NETO1: variants seen among roughly 807,000 people sequenced by gnomAD.
The protein encoded by NETO1 is neuropilin and tolloid-like protein 1.
Under a neutral mutation model 61.3 loss-of-function variants are expected in NETO1, and 26 were observed. The observed-to-expected ratio is 0.42, with a 90% CI of 0.31 to 0.59. The LOEUF (loss-of-function observed/expected upper bound fraction) is 0.59, where lower values mean the gene tolerates loss of function less well. NETO1 is among the 20% of genes least tolerant of loss of function. The pLI is 0.12. For synonymous variants in NETO1, 225 were observed against 225.8 expected, an observed-to-expected ratio of 1.00 and a Z score of 0.03; for missense variants, 531 against 662.8, an observed-to-expected ratio of 0.80 and a Z score of 2.18.
At chr18:72,789,866 T>A (rs73966662) in intron 6 of NETO1, among the ~76,000 whole-genome samples, 2,102 of 152,292 alleles carry the variant, frequency 0.014, 49 homozygotes, top group African/African-American at 0.048. Context: ...CTGGATAGTC[T>A]ACCTTTTGAT....
chr18:72,848,571 A>C (rs1330605671), intron 4 of NETO1, among the ~76,000 whole-genome samples: 1 of 152,208 alleles, frequency 6.6e-6, no homozygotes, highest in Non-Finnish European at 1.5e-5. Flanking sequence ...AAAGTAGAAG[A>C]ATTTAAAAAA....
rs1341296691 is a variant in NETO1, at chr18:72,841,733, C to CA, written c.469+17092dup. On this transcript the variant is annotated intron_variant, in intron 4 of 10. Transcript: ENST00000327305. ...TGGGAGACAGAGTGAGACTCTACCTCAACAAAAAAAAAAAAAAAAAAAAAG... is the reference window on the plus strand; with the variant it reads ...TGGGAGACAGAGTGAGACTCTACCTCAAACAAAAAAAAAAAAAAAAAAAAAG... Among the ~76,000 whole-genome samples, 580 of 70,974 alleles carry CA rather than the reference C, an allele frequency of 8.2e-3. 128 individuals are homozygous for CA. Among genetic ancestry groups the CA allele is most frequent in the African/African-American group, 0.024 (462 of 18,900 alleles). 46.6% of individuals were successfully genotyped at this position (70,974 alleles called of 152,430 possible). A position where few individuals can be genotyped will look rare whatever the true frequency, so the allele number is the denominator to read the frequency against.
In NETO1 at chr18:72,867,781, GCGGCGGCGGCGC is replaced by G. The variant is rs1192591265; in HGVS notation, c.-502_-491del. ...ACCGACGGCAGCGACGGAGCGGGCG[GCGGCGGCGGCGC>G]CGGCGGCGGCGGGGTGGCTCAGTCC... On this transcript the variant is annotated 5_prime_UTR_variant, in exon 1 of 11. Coordinates refer to ENST00000327305, the MANE Select transcript of NETO1 (RefSeq NM_138966.5). 4 of 158,116 alleles carry G rather than the reference GCGGCGGCGGCGC, an allele frequency of 2.5e-5. No individual in the cohort carries two copies. Among genetic ancestry groups the G allele is most frequent in the Middle Eastern group, 3.0e-3 (1 of 336 alleles). The allele number at this position is 158,116 out of a possible 1,614,324, so 9.8% of individuals were successfully genotyped here.
At chr18:72,778,719 G>C (rs983308191) in intron 7 of NETO1, among the ~76,000 whole-genome samples, 1 of 152,054 alleles carries the variant, frequency 6.6e-6, no homozygotes, top group African/African-American at 2.4e-5. Flanking sequence ...GAATAACTTA[G>C]GAATTATCTA....
Position 72,746,258 on chromosome 18 carries a change from A to G in NETO1, c.*1921T>C, listed in dbSNP as rs1568164786. 6.6e-6 allele frequency among the ~76,000 whole-genome samples: 1 copy of G among 152,164 alleles called. No homozygotes were observed. The highest frequency in any genetic ancestry group is 1.5e-5 in the Non-Finnish European group (1 of 68,012). On this transcript the variant is annotated 3_prime_UTR_variant, in exon 11 of 11. Transcript: ENST00000327305. ...GAGTCCTCTGAAGATTTCTAAATGG[A>G]GAAAGCAATATAAGATATGATTAAT...
intron 4 of NETO1, among the ~76,000 whole-genome samples, chr18:72,855,094 A>G (rs1264481442): frequency 6.6e-6 from 1 of 152,192 alleles, no homozygotes; most frequent in Non-Finnish European, 1.5e-5. Flanking sequence ...TCTATTTTTT[A>G]TTAAATTGTT....
intron 8 of NETO1, among the ~76,000 whole-genome samples, chr18:72,753,221 A>G (rs2070680532): frequency 6.6e-6 from 1 of 151,948 alleles, no homozygotes; most frequent in African/African-American, 2.4e-5. Flanking sequence ...TATGATATTG[A>G]AAACATTAAA....
chr18:72,804,956 TA>T (rs1401064008), intron 4 of NETO1, among the ~76,000 whole-genome samples: 2 of 152,230 alleles, frequency 1.3e-5, no homozygotes, highest in Non-Finnish European at 2.9e-5. Context: ...TTTCCTAAGT[TA>T]CCTAACAATC....
intron 4 of NETO1, among the ~76,000 whole-genome samples, chr18:72,816,407 T>C (rs2073034475): frequency 6.6e-6 from 1 of 152,188 alleles, no homozygotes; most frequent in South Asian, 2.1e-4. Flanking sequence ...CACCAGCGTT[T>C]ATCTAAAGGG....
In NETO1 at chr18:72,748,038, A is replaced by G. The variant is rs1282068456; in HGVS notation, c.*141T>C. 1.4e-6 allele frequency: 1 copy of G among 696,600 alleles called. No individual in the cohort carries two copies. The highest frequency in any genetic ancestry group is 1.8e-6 in the Non-Finnish European group (1 of 566,062). The allele number at this position is 696,600 out of a possible 1,614,324, so 43.2% of individuals were successfully genotyped here. ...AGCGGGGATGTCTTGCCGAAGGAAT[A>G]ACAAATGTCTGTAATTCTTAAGTTT... On this transcript the variant is annotated 3_prime_UTR_variant, in exon 11 of 11. Transcript: ENST00000327305.
chr18:72,756,149 T>TA lies in NETO1; in HGVS notation c.869-3dup, dbSNP rs749963341. The TA allele has an allele frequency of 8.4e-4, 1,256 of 1,500,544 alleles. 2 individuals carry two copies. Among genetic ancestry groups the TA allele is most frequent in the Non-Finnish European group, 1.1e-3 (1,174 of 1,079,456 alleles). The allele number at this position is 1,500,544 out of a possible 1,614,324, so 93.0% of individuals were successfully genotyped here. A position where few individuals can be genotyped will look rare whatever the true frequency, so the allele number is the denominator to read the frequency against. Reference sequence around the variant, plus strand: ...AGAATGTGTTGCCTTCACAAGGAGCTAAAAAGAAGAAGAACAAGACAAAGG... The same window carrying TA: ...AGAATGTGTTGCCTTCACAAGGAGCTAAAAAAGAAGAAGAACAAGACAAAGG... On this transcript the variant is annotated splice_polypyrimidine_tract_variant and splice_region_variant and intron_variant, in intron 7 of 10. Coordinates refer to ENST00000327305, the MANE Select transcript of NETO1 (RefSeq NM_138966.5).
At chr18:72,861,693 T>G (rs1205021125) in intron 3 of NETO1, among the ~76,000 whole-genome samples, 1 of 152,214 alleles carries the variant, frequency 6.6e-6, no homozygotes, top group Non-Finnish European at 1.5e-5. Context: ...ACCTCGCTTG[T>G]ATTCTTCATC....
At chr18:72,808,601 T>G (rs1251264420) in intron 4 of NETO1, among the ~76,000 whole-genome samples, 1 of 152,208 alleles carries the variant, frequency 6.6e-6, no homozygotes, top group African/African-American at 2.4e-5. Flanking sequence ...TCAAAATTAT[T>G]TAAAGATGTA....
intron 4 of NETO1, among the ~76,000 whole-genome samples, chr18:72,797,691 GA>G (rs1462150740): frequency 6.6e-6 from 1 of 152,156 alleles, no homozygotes; most frequent in East Asian, 1.9e-4. Flanking sequence ...ACTGCCCTTA[GA>G]GTAAGACCAT....
At chr18:72,803,658 C>CTAAAAAT (rs1461993535) in intron 4 of NETO1, among the ~76,000 whole-genome samples, 1 of 151,992 alleles carries the variant, frequency 6.6e-6, no homozygotes, top group Non-Finnish European at 1.5e-5. Context: ...CTCATCTTTA[C>CTAAAAAT]TAAAAATACA....
chr18:72,745,023 A>T lies in NETO1; in HGVS notation c.*3156T>A, dbSNP rs992980508. ...TACTTAACACTGAGGATCATAACTT[A>T]TGGAGTCATCAGACTCACGGAAATA... is the stretch of plus-strand genomic sequence containing the variant. On this transcript the variant is annotated 3_prime_UTR_variant, in exon 11 of 11. Transcript: ENST00000327305. 6.6e-6 allele frequency: 1 copy of T among 152,224 alleles called. No homozygotes were observed. Among genetic ancestry groups the T allele is most frequent in the Non-Finnish European group, 1.5e-5 (1 of 68,030 alleles). 9.4% of individuals were successfully genotyped at this position (152,224 alleles called of 1,614,324 possible). A position where few individuals can be genotyped will look rare whatever the true frequency, so the allele number is the denominator to read the frequency against.
Position 72,744,114 on chromosome 18 carries a change from A to G in NETO1, c.*4065T>C, listed in dbSNP as rs1459615060. ...GGAACTAGAGGCATTTTAAGAGAGC[A>G]TTTACCTCTTTAATAATACACAAGA... On this transcript the variant is annotated 3_prime_UTR_variant, in exon 11 of 11. Transcript: ENST00000327305. 6.6e-6 allele frequency: 1 copy of G among 152,198 alleles called. No homozygotes were observed. The highest frequency in any genetic ancestry group is 1.9e-4 in the East Asian group (1 of 5,204). The allele number at this position is 152,198 out of a possible 1,614,324, so 9.4% of individuals were successfully genotyped here. A position where few individuals can be genotyped will look rare whatever the true frequency, so the allele number is the denominator to read the frequency against.
intron 4 of NETO1, among the ~76,000 whole-genome samples, chr18:72,843,826 T>C (rs1174191476): frequency 6.6e-6 from 1 of 152,230 alleles, no homozygotes; most frequent in Non-Finnish European, 1.5e-5. Context: ...GCTAAGATTG[T>C]TTGTAAGATA....
chr18:72,809,131 T>C (rs777640375), intron 4 of NETO1, among the ~76,000 whole-genome samples: 1 of 152,184 alleles, frequency 6.6e-6, no homozygotes, highest in South Asian at 2.1e-4. Flanking sequence ...TCGTCACATC[T>C]AGAAAACTCA....
Sources: allele counts gnomAD v4.1 joint callset (sites outside exome capture counted in the v4.1 genomes callset), GRCh38; gene constraint gnomAD v4.1.1; transcripts MANE v1.5; gene names NCBI Gene and HGNC (gene_info 2026-07-23, HGNC 2026-07-21).